CFAP251: variants seen among roughly 807,000 people sequenced by gnomAD.
CFAP251 encodes the protein cilia- and flagella-associated protein 251.
A neutral mutation model predicts 126.7 loss-of-function variants in CFAP251; 93 were observed. The observed-to-expected ratio is 0.73, with a 90% CI of 0.62 to 0.87. The LOEUF (loss-of-function observed/expected upper bound fraction) is 0.87, where lower values mean the gene tolerates loss of function less well. Ranked by LOEUF, CFAP251 falls within the 40% of genes least tolerant of loss-of-function variation. The pLI, the probability that CFAP251 is intolerant of heterozygous loss-of-function variation, is 0.00. For synonymous variants in CFAP251, 503 were observed against 506.9 expected (o/e 0.99, Z 0.10); for missense variants, 1,287 against 1,389.2 (o/e 0.93, Z 1.17).
chr12:121,979,995 G>A (rs894403180), intron 19 of CFAP251, among the ~76,000 whole-genome samples: 7 of 152,226 alleles, frequency 4.6e-5, no homozygotes, highest in Middle Eastern at 6.3e-3. Context: ...CATGTCGCTG[G>A]GAAGGGTCTC....
At chr12:121,957,001 T>C (rs547384408) in intron 10 of CFAP251, 73 bp from the exon 11 acceptor site, 440 of 1,187,608 alleles carry the variant, frequency 3.7e-4, no homozygotes, top group Non-Finnish European at 4.6e-4. Flanking sequence ...GAGCCTGACA[T>C]ATAATTAGGT....
At chr12:121,976,783 C>T (rs890037992) in intron 19 of CFAP251, among the ~76,000 whole-genome samples, 1 of 152,080 alleles carries the variant, frequency 6.6e-6, no homozygotes, top group African/African-American at 2.4e-5. Context: ...GTGGCCCATG[C>T]TTGTGGTCCC....
At chr12:121,933,706 C>T (rs1880779783) in intron 4 of CFAP251, 1 of 152,606 alleles carries the variant, frequency 6.6e-6, no homozygotes, top group Admixed American at 6.5e-5. Context: ...GTAGTCCCAG[C>T]TACTTGGGAG....
At chr12:121,935,984 A>T (rs866053673) in intron 5 of CFAP251, among the ~76,000 whole-genome samples, 6 of 152,288 alleles carry the variant, frequency 3.9e-5, no homozygotes, top group Middle Eastern at 3.4e-3. Flanking sequence ...GCATCCAACA[A>T]GGAAAGGTGG....
intron 14 of CFAP251, 62 bp downstream of exon 14, chr12:121,960,820 C>T (rs1256062687): frequency 6.4e-7 from 1 of 1,574,102 alleles, no homozygotes; most frequent in African/African-American, 1.4e-5. Context: ...TGTGACATCC[C>T]TGGCATCTTG....
At chr12:121,977,116 C>T (rs1882479858) in intron 19 of CFAP251, among the ~76,000 whole-genome samples, 1 of 152,142 alleles carries the variant, frequency 6.6e-6, no homozygotes, top group Non-Finnish European at 1.5e-5. Flanking sequence ...GATGGCAGAG[C>T]CTACTACACG....
At position 121,999,890 on chromosome 12, in the gene CFAP251, A is replaced by G; in HGVS notation, c.3181A>G (p.Lys1061Glu). 1.2e-6 allele frequency: 2 copies of G among 1,614,104 alleles called. No homozygotes were observed. Among genetic ancestry groups the G allele is most frequent in the Non-Finnish European group, 1.7e-6 (2 of 1,179,950 alleles). The change falls in exon 20 of 22, where the codon AAA becomes GAA. Residue 1061 changes from lysine to glutamate, a missense_variant. Transcript: ENST00000288912. ...TGAGGTGCTCGGTTATACCAACTCC[A>G]AAGGGAAAAAGGCCATTCGAAGAGA... ...SFEVLGYTNS[K>E]GKKAIRREDF...
At position 121,921,554 on chromosome 12, in the gene CFAP251, A is replaced by C. The variant is rs753462466; in HGVS notation, c.249A>C (p.Glu83Asp). The C allele has an allele frequency of 5.6e-6, 9 of 1,613,882 alleles. No homozygotes were observed. Among genetic ancestry groups the C allele is most frequent in the Non-Finnish European group, 7.6e-6 (9 of 1,179,998 alleles). ...VMEETEEKAGEVQEKEASGIQ... is the reference protein window; with the variant it reads ...VMEETEEKAGDVQEKEASGIQ... ...AAGAAACTGAGGAAAAGGCTGGAGA[A>C]GTCCAAGAGAAGGAGGCTTCAGGAA... Residue 83 changes from glutamate to aspartate, a missense_variant, in exon 2 of 22, where the codon GAA becomes GAC. Coordinates refer to ENST00000288912, the MANE Select transcript of CFAP251 (RefSeq NM_144668.6).
In CFAP251 at chr12:121,930,283, T is replaced by A. The variant is rs562271944; in HGVS notation, c.748-1463T>A. Among the ~76,000 whole-genome samples, 5 of 152,174 alleles carry A rather than the reference T, an allele frequency of 3.3e-5. No homozygotes were observed. In the South Asian group the frequency reaches 1.0e-3, roughly 32 times the overall value. On this transcript the variant is annotated intron_variant, in intron 3 of 21. Coordinates refer to ENST00000288912, the MANE Select transcript of CFAP251 (RefSeq NM_144668.6). ...GCAGGCGGATCATGAGGTCAAGAGA[T>A]CAAGATTATCCTGGCCAACATGGTG... is the stretch of plus-strand genomic sequence containing the variant.
intron 5 of CFAP251, among the ~76,000 whole-genome samples, chr12:121,935,443 T>C (rs926761466): frequency 3.3e-5 from 5 of 152,234 alleles, no homozygotes; most frequent in African/African-American, 1.2e-4. Flanking sequence ...ACATTATTAT[T>C]AACAGACATC....
At position 121,931,096 on chromosome 12, in the gene CFAP251, C is replaced by T. The variant is rs925822375; in HGVS notation, c.748-650C>T. Reference sequence around the variant, plus strand: ...ACGTAATGACTTCATTGTAACTTGTCTACTCTACATGCTTTTAGAAAGTAA... The same window carrying T: ...ACGTAATGACTTCATTGTAACTTGTTTACTCTACATGCTTTTAGAAAGTAA... On this transcript the variant is annotated intron_variant, in intron 3 of 21. Coordinates refer to ENST00000288912, the MANE Select transcript of CFAP251 (RefSeq NM_144668.6). Among the ~76,000 whole-genome samples the T allele has an allele frequency of 4.6e-5, 7 of 152,068 alleles. No individual in the cohort carries two copies. The South Asian group carries it at 1.5e-3, about 32-fold the overall frequency.
chr12:121,999,687 T>C lies in CFAP251; in HGVS notation c.3007-29T>C, dbSNP rs368281152. The C allele has an allele frequency of 4.4e-5, 66 of 1,515,068 alleles. No individual in the cohort carries two copies. In the South Asian group the frequency reaches 6.2e-4, roughly 14 times the overall value. 93.9% of individuals were successfully genotyped at this position (1,515,068 alleles called of 1,614,324 possible). A position where few individuals can be genotyped will look rare whatever the true frequency, so the allele number is the denominator to read the frequency against. ...CTGGTGCCTTTTCTATTTACTGTGG[T>C]CTTTTTTTTTTCCCCATCTTTCCCC... On this transcript the variant is annotated intron_variant, in intron 19 of 21. Coordinates refer to ENST00000288912, the MANE Select transcript of CFAP251 (RefSeq NM_144668.6).
intron 17 of CFAP251, among the ~76,000 whole-genome samples, chr12:121,972,459 G>A (rs1276577225): frequency 6.6e-6 from 1 of 152,108 alleles, no homozygotes; most frequent in Non-Finnish European, 1.5e-5. Flanking sequence ...TTGAACTTGA[G>A]AGAGATGATT....
intron 19 of CFAP251, chr12:121,998,898 A>G (rs1883086531): frequency 2.0e-5 from 3 of 149,662 alleles, no homozygotes; most frequent in Non-Finnish European, 4.4e-5. Flanking sequence ...TCAAAAAAAA[A>G]AAAAAAAAAA....
chr12:121,944,955 T>A (rs56304060), intron 7 of CFAP251, among the ~76,000 whole-genome samples: 31,609 of 151,940 alleles, frequency 0.21, 6,992 homozygotes, highest in African/African-American at 0.55. Flanking sequence ...GCTAATTTTT[T>A]AATTTTTTTC....
chr12:121,954,179 A>C lies in CFAP251; in HGVS notation c.1380A>C (p.Gln460His). Reference sequence around the variant, plus strand: ...CCATCTTTCACTTGAATTTAACACAAATACTCTCAGCCACAATGGAAGGGA... The same window carrying C: ...CCATCTTTCACTTGAATTTAACACACATACTCTCAGCCACAATGGAAGGGA... ...SQSIFHLNLTQILSATMEGKL... is the reference protein window; with the variant it reads ...SQSIFHLNLTHILSATMEGKL... The change falls in exon 10 of 22, where the codon CAA becomes CAC. Residue 460 changes from glutamine (Q) to histidine (H), a missense_variant. Coordinates refer to ENST00000288912, the MANE Select transcript of CFAP251 (RefSeq NM_144668.6). The C allele has an allele frequency of 2.6e-5, 42 of 1,614,098 alleles. No individual in the cohort carries two copies. The highest frequency in any genetic ancestry group is 3.6e-5 in the Non-Finnish European group (42 of 1,180,014).
Position 121,934,183 on chromosome 12 carries a change from TG to T in CFAP251, c.889-63del, listed in dbSNP as rs1880799992. 2.3e-6 allele frequency: 3 copies of T among 1,314,938 alleles called. No homozygotes were observed. In the East Asian group the frequency reaches 7.2e-5, roughly 32 times the overall value. The allele number at this position is 1,314,938 out of a possible 1,614,324, so 81.5% of individuals were successfully genotyped here. On this transcript the variant is annotated intron_variant, in intron 4 of 21. Transcript: ENST00000288912. ...CTTTCTGTGGGTCCCCGGCCTTTGC[TG>T]ATAGTGGCCAAGGCTGGGCCGCATC... is the stretch of plus-strand genomic sequence containing the variant.
At chr12:121,919,218 C>T (rs868228884) in intron 1 of CFAP251, among the ~76,000 whole-genome samples, 74 of 151,634 alleles carry the variant, frequency 4.9e-4, no homozygotes, top group African/African-American at 1.7e-3. Context: ...AATAGAAATA[C>T]CTTTTCTACT....
At chr12:122,002,562 G>C (rs1384192327) in intron 21 of CFAP251, among the ~76,000 whole-genome samples, 1 of 151,376 alleles carries the variant, frequency 6.6e-6, no homozygotes, top group African/African-American at 2.5e-5. Context: ...GAGAGAGAGA[G>C]AGAAAGATTT....
Sources: gnomAD v4.1 joint callset for allele counts (sites outside exome capture counted in the v4.1 genomes callset) on GRCh38, gnomAD v4.1.1 for gene constraint, MANE v1.5 for transcripts, NCBI Gene and HGNC (gene_info 2026-07-23, HGNC 2026-07-21) for gene names.